The following GALNTL6 variants were observed in gnomAD, a reference collection of about 807,000 sequenced individuals.
The protein encoded by GALNTL6 is polypeptide N-acetylgalactosaminyltransferase-like 6.
Under a neutral mutation model 73.7 loss-of-function variants are expected in GALNTL6, and 46 were observed. The ratio of observed to expected loss-of-function variants is 0.62; its 90% CI spans 0.49 to 0.80. GALNTL6 has a LOEUF of 0.80. Ranked by LOEUF, GALNTL6 falls within the 30% of genes least tolerant of loss-of-function variation. The pLI is 0.00. For missense variants in GALNTL6, 604 were observed against 755.0 expected (o/e 0.80, Z 2.34); for synonymous variants, 259 against 263.7 (o/e 0.98, Z 0.17).
intron 7 of GALNTL6, among the ~76,000 whole-genome samples, chr4:172,859,390 A>T (rs1744278935): frequency 1.3e-5 from 2 of 152,188 alleles, no homozygotes; most frequent in Admixed American, 1.3e-4. Flanking sequence ...GCTCTTGGTT[A>T]TACCAAGGCA....
intron 5 of GALNTL6, among the ~76,000 whole-genome samples, chr4:172,643,792 C>T (rs900926203): frequency 6.6e-6 from 1 of 151,522 alleles, no homozygotes; most frequent in African/African-American, 2.4e-5. Context: ...ATTAATATAC[C>T]CAGTTGATTT....
At chr4:172,532,991 T>C (rs538172327) in intron 5 of GALNTL6, among the ~76,000 whole-genome samples, 3 of 150,916 alleles carry the variant, frequency 2.0e-5, no homozygotes, top group Non-Finnish European at 4.4e-5. Context: ...TATCACTGTT[T>C]AAAAACATTA....
At chr4:172,387,172 C>T (rs1743503955) in intron 5 of GALNTL6, among the ~76,000 whole-genome samples, 3 of 152,070 alleles carry the variant, frequency 2.0e-5, no homozygotes, top group Admixed American at 2.0e-4. Flanking sequence ...ATGGTTTCAA[C>T]ATAGAAATTT....
chr4:172,792,786 C>A (rs73869662), intron 5 of GALNTL6, among the ~76,000 whole-genome samples: 8,747 of 150,502 alleles, frequency 0.058, 807 homozygotes, highest in African/African-American at 0.2. Flanking sequence ...TAATAAAGAA[C>A]CATCTCAGGA....
At chr4:172,608,859 A>G (rs1026895821) in intron 5 of GALNTL6, among the ~76,000 whole-genome samples, 2 of 152,132 alleles carry the variant, frequency 1.3e-5, no homozygotes, top group South Asian at 2.1e-4. Flanking sequence ...GCTTAGATGT[A>G]TTCCTACATA....
chr4:171,881,602 T>TAC (rs2110912315), intron 2 of GALNTL6, among the ~76,000 whole-genome samples: 1 of 152,342 alleles, frequency 6.6e-6, no homozygotes, highest in Non-Finnish European at 1.5e-5. Flanking sequence ...CAATACTTTG[T>TAC]ATCTTTCAAT....
chr4:172,178,383 T>A (rs957363190), intron 2 of GALNTL6, among the ~76,000 whole-genome samples: 1 of 152,218 alleles, frequency 6.6e-6, no homozygotes, highest in Non-Finnish European at 1.5e-5. Flanking sequence ...ACCTGTAATC[T>A]GCATTAGGCT....
intron 2 of GALNTL6, among the ~76,000 whole-genome samples, chr4:172,127,158 G>T (rs77667741): frequency 6.6e-6 from 1 of 152,138 alleles, no homozygotes; most frequent in Admixed American, 6.5e-5. Flanking sequence ...CAAGCATTCT[G>T]ATGTGGGCCT....
intron 7 of GALNTL6, among the ~76,000 whole-genome samples, chr4:172,847,372 A>T (rs138260237): frequency 1.1e-3 from 166 of 152,222 alleles, no homozygotes; most frequent in African/African-American, 3.9e-3. Context: ...TCATATTTTC[A>T]TATTTCTTCC....
chr4:172,172,906 G>A (rs747045417), intron 2 of GALNTL6, among the ~76,000 whole-genome samples: 2 of 152,184 alleles, frequency 1.3e-5, no homozygotes, highest in African/African-American at 2.4e-5. Flanking sequence ...GAACACTGAC[G>A]TATGTAACAG....
chr4:172,889,612 A>G (rs1212420083), intron 8 of GALNTL6, among the ~76,000 whole-genome samples: 1 of 152,254 alleles, frequency 6.6e-6, no homozygotes, highest in East Asian at 1.9e-4. Context: ...AGACTTCTTG[A>G]TCATGGTGAA....
At chr4:173,034,824 C>T (rs1205681918) in intron 12 of GALNTL6, among the ~76,000 whole-genome samples, 1 of 152,102 alleles carries the variant, frequency 6.6e-6, no homozygotes, top group African/African-American at 2.4e-5. Flanking sequence ...GTCTGTGCCC[C>T]CACTGCCCCA....
At chr4:172,698,404 C>T (rs576835965) in intron 5 of GALNTL6, among the ~76,000 whole-genome samples, 17 of 152,174 alleles carry the variant, frequency 1.1e-4, no homozygotes, top group African/African-American at 2.4e-4. Flanking sequence ...CATTAGGCCA[C>T]GACCAGCTTC....
intron 2 of GALNTL6, among the ~76,000 whole-genome samples, chr4:172,122,271 C>T (rs183355537): frequency 1.3e-5 from 2 of 151,944 alleles, no homozygotes; most frequent in East Asian, 1.9e-4. Flanking sequence ...TTCAATTACA[C>T]CATTATCCTG....
intron 5 of GALNTL6, among the ~76,000 whole-genome samples, chr4:172,599,251 G>A (rs928786386): frequency 6.6e-6 from 1 of 152,064 alleles, no homozygotes; most frequent in Non-Finnish European, 1.5e-5. Context: ...AGTATGTCCT[G>A]CTCCTCTATA....
intron 2 of GALNTL6, among the ~76,000 whole-genome samples, chr4:172,187,736 T>C (rs2110870744): frequency 6.6e-6 from 1 of 152,282 alleles, no homozygotes; most frequent in Non-Finnish European, 1.5e-5. Flanking sequence ...TATGGTTATG[T>C]GGCCTTAATA....
At chr4:172,099,156 A>G (rs1732441378) in intron 2 of GALNTL6, among the ~76,000 whole-genome samples, 1 of 152,158 alleles carries the variant, frequency 6.6e-6, no homozygotes, top group Non-Finnish European at 1.5e-5. Flanking sequence ...GAGAGACGAA[A>G]AAAACATGCT....
At chr4:172,839,334 G>A (rs1038384543) in intron 7 of GALNTL6, among the ~76,000 whole-genome samples, 4 of 152,202 alleles carry the variant, frequency 2.6e-5, no homozygotes, top group South Asian at 2.1e-4. Context: ...TTAAATCTAT[G>A]TAATGACAGT....
intron 2 of GALNTL6, among the ~76,000 whole-genome samples, chr4:172,186,328 C>T (rs1423609920): frequency 1.3e-5 from 2 of 152,064 alleles, no homozygotes; most frequent in African/African-American, 4.8e-5. Flanking sequence ...GCTGTTGGGG[C>T]TGTGAAATGT....
Sources: allele counts gnomAD v4.1 joint callset (sites outside exome capture counted in the v4.1 genomes callset), GRCh38; gene constraint gnomAD v4.1.1; transcripts MANE v1.5; gene names NCBI Gene and HGNC (gene_info 2026-07-23, HGNC 2026-07-21).